The following DENND5A variants were observed in gnomAD, a reference collection of about 807,000 sequenced individuals.
DENND5A encodes the protein DENN domain-containing protein 5A.
Under a neutral mutation model 140.3 loss-of-function variants are expected in DENND5A, and 64 were observed. The ratio of observed to expected loss-of-function variants is 0.46; its 90% confidence interval spans 0.37 to 0.56. The LOEUF is 0.56. Among genes scored for constraint, DENND5A ranks in the 20% least tolerant of loss-of-function variants. The probability of loss-of-function intolerance (pLI) is 0.00; values close to 1 mark genes in which losing one functional copy is unlikely to be tolerated. For synonymous variants in DENND5A, 605 were observed against 607.7 expected (o/e 1.00, Z 0.07); for missense variants, 1,292 against 1,593.8 (o/e 0.81, Z 3.22).
At chr11:9,143,912 G>A (rs1847331566) in intron 19 of DENND5A, among the ~76,000 whole-genome samples, 185 bp downstream of exon 19, 1 of 152,212 alleles carries the variant, frequency 6.6e-6, no homozygotes, top group Non-Finnish European at 1.5e-5. Flanking sequence ...TCTAAGGAGA[G>A]TGCCAAATGC....
chr11:9,200,451 C>T (rs1849485308), intron 4 of DENND5A, among the ~76,000 whole-genome samples: 1 of 152,224 alleles, frequency 6.6e-6, no homozygotes, highest in Non-Finnish European at 1.5e-5. Context: ...GAACTACATT[C>T]AGCCAGCAGA....
Position 9,203,689 on chromosome 11 carries a change from A to G in DENND5A, c.920T>C (p.Leu307Pro). 1 of 1,613,964 alleles carries G rather than the reference A, an allele frequency of 6.2e-7. No individual in the cohort carries two copies. Among genetic ancestry groups the G allele is most frequent in the Non-Finnish European group, 8.5e-7 (1 of 1,179,966 alleles). ...NVFQLFTCALLEFQILLYSQH... is the reference protein window; with the variant it reads ...NVFQLFTCALPEFQILLYSQH... ...TGAGTAGAGCAGGATTTGAAACTCC[A>G]GAAGGGCACAAGTAAAAAGCTGAAA... Residue 307 changes from leucine (L) to proline (P), a missense_variant, in exon 4 of 23, where the codon CTG becomes CCG. By Grantham distance (98) the Leu-to-Pro change is moderately conservative. Coordinates refer to ENST00000328194, the MANE Select transcript of DENND5A (RefSeq NM_015213.4).
chr11:9,204,461 C>T, intron 3 of DENND5A, 144 bp from the exon 4 acceptor site: 1 of 735,570 alleles, frequency 1.4e-6, no homozygotes, highest in South Asian at 1.9e-5. Context: ...TAATGCAAGA[C>T]ATGCAAGTAA....
intron 12 of DENND5A, among the ~76,000 whole-genome samples, chr11:9,157,515 GTTGTTCC>G: frequency 6.6e-6 from 1 of 152,272 alleles, no homozygotes; most frequent in Admixed American, 6.5e-5. Flanking sequence ...CTTGGTGCCT[GTTGTTCC>G]CTTCTTTGTG....
intron 1 of DENND5A, among the ~76,000 whole-genome samples, chr11:9,257,570 C>A (rs905821177): frequency 6.6e-6 from 1 of 150,640 alleles, no homozygotes; most frequent in Non-Finnish European, 1.5e-5. Flanking sequence ...CAAGCTCCGC[C>A]TCCCAGGTTC....
chr11:9,242,692 A>G (rs1039459607), intron 1 of DENND5A: 1 of 152,162 alleles, frequency 6.6e-6, no homozygotes, highest in Non-Finnish European at 1.5e-5. Flanking sequence ...TAACTTAAAT[A>G]TCATCTATGA....
chr11:9,146,893 C>A (rs888085980), intron 16 of DENND5A, 137 bp downstream of exon 16: 1 of 1,000,002 alleles, frequency 1.0e-6, no homozygotes, highest in Non-Finnish European at 1.5e-6. Context: ...GTGCACCTCT[C>A]TCCCCACAGA....
chr11:9,144,905 G>C, intron 18 of DENND5A, 90 bp downstream of exon 18: 1 of 902,642 alleles, frequency 1.1e-6, no homozygotes, highest in Non-Finnish European at 1.8e-6. Context: ...AACCTAAAGG[G>C]TCTCCTTGGG....
intron 19 of DENND5A, 81 bp from the exon 20 acceptor site, chr11:9,143,566 C>A (rs80261324): frequency 1.7e-5 from 20 of 1,173,764 alleles, no homozygotes; most frequent in Admixed American, 1.0e-4. Context: ...ACTGAGGACA[C>A]GGGGAGGGCC....
chr11:9,257,553 C>T (rs1217920701), intron 1 of DENND5A, among the ~76,000 whole-genome samples: 1 of 147,266 alleles, frequency 6.8e-6, no homozygotes, highest in Non-Finnish European at 1.5e-5. Context: ...TCGATCTCGG[C>T]TCACTGCAAG....
chr11:9,228,175 T>G (rs1850615004), intron 1 of DENND5A, among the ~76,000 whole-genome samples: 1 of 149,678 alleles, frequency 6.7e-6, no homozygotes. Flanking sequence ...ATGCAGCTCC[T>G]AAAACCTTTG....
intron 11 of DENND5A, among the ~76,000 whole-genome samples, chr11:9,164,298 C>G (rs921992948): frequency 9.6e-5 from 14 of 146,214 alleles, no homozygotes; most frequent in African/African-American, 3.3e-4. Context: ...AGTGATTCAC[C>G]CACCTCAATC....
chr11:9,154,591 A>C (rs555666035), intron 12 of DENND5A, among the ~76,000 whole-genome samples: 12 of 152,328 alleles, frequency 7.9e-5, no homozygotes, highest in African/African-American at 2.9e-4. Flanking sequence ...AAGCTGTCAA[A>C]ATAAGCTTGC....
At position 9,150,779 on chromosome 11, in the gene DENND5A, T is replaced by C. The variant is rs374731193; in HGVS notation, c.2522-15A>G. The C allele has an allele frequency of 6.4e-5, 101 of 1,586,970 alleles. No individual in the cohort carries two copies. The highest frequency in any genetic ancestry group is 8.4e-5 in the Admixed American group (5 of 59,646). On this transcript the variant is annotated splice_polypyrimidine_tract_variant and intron_variant, in intron 13 of 22. Coordinates refer to ENST00000328194, the MANE Select transcript of DENND5A (RefSeq NM_015213.4). ...AAGAAGTATTCCTAGAATAAACAAG[T>C]TGGTCATGTCCAAAGAGATCTGAAT...
intron 1 of DENND5A, among the ~76,000 whole-genome samples, chr11:9,241,709 C>T (rs928682019): frequency 1.3e-5 from 2 of 152,140 alleles, no homozygotes; most frequent in African/African-American, 2.4e-5. Context: ...TATACCCTGA[C>T]CATCCTATTA....
chr11:9,201,377 T>C (rs950699305), intron 4 of DENND5A, among the ~76,000 whole-genome samples: 1 of 131,932 alleles, frequency 7.6e-6, no homozygotes, highest in Non-Finnish European at 1.7e-5. Flanking sequence ...TCTATTTCTT[T>C]AAAAAAAAAA....
chr11:9,200,644 T>G (rs892237622), intron 4 of DENND5A, among the ~76,000 whole-genome samples: 10 of 152,240 alleles, frequency 6.6e-5, no homozygotes, highest in Non-Finnish European at 1.0e-4. Flanking sequence ...ATGAGGTATG[T>G]GCTCTTCAGT....
At chr11:9,142,168 TACAGGCC>T in intron 21 of DENND5A, 60 bp from the exon 22 acceptor site, 1 of 1,422,216 alleles carries the variant, frequency 7.0e-7, no homozygotes, top group Non-Finnish European at 9.5e-7. Flanking sequence ...CTGACGGTCC[TACAGGCC>T]ACTTGCCATG....
chr11:9,254,158 G>GAAAAAAAAAAAAA, intron 1 of DENND5A, among the ~76,000 whole-genome samples: 1 of 91,888 alleles, frequency 1.1e-5, no homozygotes, highest in Non-Finnish European at 2.1e-5. Context: ...CTCTGTCTCA[G>GAAAAAAAAAAAAA]AAAAAAAAAA....
Sources: gnomAD v4.1 joint callset for allele counts (sites outside exome capture counted in the v4.1 genomes callset) on GRCh38, gnomAD v4.1.1 for gene constraint, MANE v1.5 for transcripts, NCBI Gene and HGNC (gene_info 2026-07-23, HGNC 2026-07-21) for gene names.